The following HS6ST3 variants were observed in gnomAD, a reference collection of about 807,000 sequenced individuals.
HS6ST3 encodes heparan sulfate 6-O-sulfotransferase 3.
A neutral mutation model predicts 36.7 loss-of-function variants in HS6ST3; 12 were observed. The observed-to-expected ratio is 0.33, with a 90% CI of 0.21 to 0.53. The LOEUF (loss-of-function observed/expected upper bound fraction) is 0.53. Among genes scored for constraint, HS6ST3 ranks in the 20% least tolerant of loss-of-function variants. The probability of loss-of-function intolerance (pLI) is 0.95; values close to 1 mark genes in which losing one functional copy is unlikely to be tolerated. For synonymous variants in HS6ST3, 240 were observed against 257.5 expected (o/e 0.93, Z 0.65); for missense variants, 584 against 640.9 (o/e 0.91, Z 0.96).
chr13:96,346,491 C>T (rs1269473120), intron 1 of HS6ST3, among the ~76,000 whole-genome samples: 6 of 151,536 alleles, frequency 4.0e-5, no homozygotes, highest in East Asian at 3.9e-4. Flanking sequence ...AGGAGAATGG[C>T]GTGAACCCGG....
rs182461316 is a variant in HS6ST3, at chr13:96,191,144, A to G, written c.707+99575A>G. On this transcript the variant is annotated intron_variant, in intron 1 of 1. Transcript: ENST00000376705. ...TTCTCAGTTTTACCCACCTCTCTAC[A>G]TTATCACTGCTACTTCCTCAGTCCA... Among the ~76,000 whole-genome samples, 71 of 152,172 alleles carry G rather than the reference A, an allele frequency of 4.7e-4. 1 individual carries two copies. The highest frequency in any genetic ancestry group is 3.4e-3 in the Middle Eastern group (1 of 294).
At chr13:96,230,380 C>G (rs923568621) in intron 1 of HS6ST3, among the ~76,000 whole-genome samples, 1 of 152,052 alleles carries the variant, frequency 6.6e-6, no homozygotes, top group Non-Finnish European at 1.5e-5. Flanking sequence ...GATGATCAAC[C>G]AGATAGGGAT....
At chr13:96,355,019 A>C (rs951742209) in intron 1 of HS6ST3, among the ~76,000 whole-genome samples, 2 of 147,930 alleles carry the variant, frequency 1.4e-5, no homozygotes, top group African/African-American at 4.8e-5. Flanking sequence ...ACTAACCAGC[A>C]TTAGAATGTG....
At chr13:96,556,756 C>T (rs1325169805) in intron 1 of HS6ST3, among the ~76,000 whole-genome samples, 1 of 152,120 alleles carries the variant, frequency 6.6e-6, no homozygotes, top group Non-Finnish European at 1.5e-5. Flanking sequence ...ACTATTTTGT[C>T]TGTGTTCCCA....
chr13:96,536,832 A>G (rs2056157312), intron 1 of HS6ST3, among the ~76,000 whole-genome samples: 1 of 152,190 alleles, frequency 6.6e-6, no homozygotes, highest in African/African-American at 2.4e-5. Context: ...AAACCACCAA[A>G]GTTGTGTGGT....
intron 1 of HS6ST3, among the ~76,000 whole-genome samples, chr13:96,135,638 T>C (rs777353239): frequency 2.8e-4 from 43 of 151,926 alleles, no homozygotes; most frequent in African/African-American, 1.0e-3. Context: ...ATGTGAAAAC[T>C]GTTAAACCAC....
At chr13:96,481,674 C>T (rs1194166042) in intron 1 of HS6ST3, among the ~76,000 whole-genome samples, 3 of 152,098 alleles carry the variant, frequency 2.0e-5, no homozygotes, top group Non-Finnish European at 4.4e-5. Flanking sequence ...CTCCGCTCTC[C>T]AGCTCAGGGA....
intron 1 of HS6ST3, among the ~76,000 whole-genome samples, chr13:96,252,282 C>A (rs2054611407): frequency 6.6e-6 from 1 of 152,200 alleles, no homozygotes; most frequent in African/African-American, 2.4e-5. Context: ...TAATGACCTT[C>A]TTTGTTTCTT....
intron 1 of HS6ST3, among the ~76,000 whole-genome samples, chr13:96,606,989 A>G (rs932342857): frequency 1.3e-5 from 2 of 152,176 alleles, no homozygotes; most frequent in Non-Finnish European, 2.9e-5. Context: ...TGAATATATG[A>G]TAGTAGGAGT....
chr13:96,461,004 G>A (rs1421288868), intron 1 of HS6ST3, among the ~76,000 whole-genome samples: 2 of 152,174 alleles, frequency 1.3e-5, no homozygotes, highest in Non-Finnish European at 2.9e-5. Flanking sequence ...ATTTACATAA[G>A]CAACTCTACA....
At chr13:96,320,582 ACACT>A (rs2037490733) in intron 1 of HS6ST3, among the ~76,000 whole-genome samples, 1 of 152,222 alleles carries the variant, frequency 6.6e-6, no homozygotes, top group Non-Finnish European at 1.5e-5. Context: ...GATTAAGATG[ACACT>A]CACCACAATG....
intron 1 of HS6ST3, among the ~76,000 whole-genome samples, chr13:96,816,595 A>G (rs1924576): frequency 0.27 from 41,704 of 152,070 alleles, 6,002 homozygotes; most frequent in East Asian, 0.43. Context: ...ATGAGGGACA[A>G]TCGTGCTGCC....
intron 1 of HS6ST3, among the ~76,000 whole-genome samples, chr13:96,588,497 T>C (rs1161054577): frequency 1.3e-5 from 2 of 152,204 alleles, no homozygotes; most frequent in Non-Finnish European, 1.5e-5. Context: ...ATTATATGGT[T>C]TTTGCCCTAC....
At chr13:96,141,760 AG>A (rs1003865082) in intron 1 of HS6ST3, among the ~76,000 whole-genome samples, 4 of 152,176 alleles carry the variant, frequency 2.6e-5, no homozygotes, top group African/African-American at 9.7e-5. Context: ...CCTTTAGATC[AG>A]GGGGGTCTTA....
At chr13:96,381,765 C>T (rs1195997482) in intron 1 of HS6ST3, among the ~76,000 whole-genome samples, 2 of 152,112 alleles carry the variant, frequency 1.3e-5, no homozygotes, top group Non-Finnish European at 2.9e-5. Context: ...ATTTTGATCA[C>T]TTTTGTTTGT....
chr13:96,543,370 A>G (rs185580857), intron 1 of HS6ST3, among the ~76,000 whole-genome samples: 1 of 152,202 alleles, frequency 6.6e-6, no homozygotes, highest in Non-Finnish European at 1.5e-5. Flanking sequence ...ACTCAGCCCC[A>G]AGAGTAATTC....
intron 1 of HS6ST3, among the ~76,000 whole-genome samples, chr13:96,328,732 G>A (rs1388794122): frequency 8.2e-4 from 125 of 152,188 alleles, no homozygotes; most frequent in African/African-American, 2.7e-3. Flanking sequence ...TTTTCTATTG[G>A]TTGGAATAGT....
intron 1 of HS6ST3, among the ~76,000 whole-genome samples, chr13:96,260,229 C>CCTT (rs2054657316): frequency 7.0e-6 from 1 of 143,400 alleles, no homozygotes; most frequent in Admixed American, 7.0e-5. Flanking sequence ...TTTATTTTTT[C>CCTT]CCTTCCTTCC....
At chr13:96,461,198 A>G (rs1265192922) in intron 1 of HS6ST3, among the ~76,000 whole-genome samples, 1 of 152,180 alleles carries the variant, frequency 6.6e-6, no homozygotes, top group Non-Finnish European at 1.5e-5. Context: ...CTGTGTATTT[A>G]TTTACTCATT....
Sources: gnomAD v4.1 joint callset for allele counts (sites outside exome capture counted in the v4.1 genomes callset) on GRCh38, gnomAD v4.1.1 for gene constraint, MANE v1.5 for transcripts, NCBI Gene and HGNC (gene_info 2026-07-23, HGNC 2026-07-21) for gene names.